ZSCAN32: variants seen among roughly 807,000 people sequenced by gnomAD.
ZSCAN32 encodes the protein zinc finger and SCAN domain containing 32.
In ZSCAN32, 52 loss-of-function variants were observed where a neutral mutation model predicts 47.4. The ratio of observed to expected loss-of-function variants is 1.10; its 90% CI spans 0.88 to 1.38. The LOEUF (loss-of-function observed/expected upper bound fraction) is 1.38. ZSCAN32 is among the 40% of genes most tolerant of loss of function. The pLI is 0.00. For synonymous variants in ZSCAN32, 346 were observed against 305.7 expected (o/e 1.13, Z -1.38); for missense variants, 959 against 846.0 (o/e 1.13, Z -1.66).
chr16:3,400,682 G>C (rs1196098036), intron 1 of ZSCAN32, among the ~76,000 whole-genome samples: 1 of 152,220 alleles, frequency 6.6e-6, no homozygotes, highest in African/African-American at 2.4e-5. Context: ...GGGCGAGACA[G>C]GGACGAGATG....
intron 5 of ZSCAN32, among the ~76,000 whole-genome samples, chr16:3,386,652 G>A (rs959650301): frequency 3.9e-5 from 6 of 152,142 alleles, no homozygotes; most frequent in African/African-American, 1.4e-4. Context: ...GGACATGGAT[G>A]AAGCTGGAAA....
chr16:3,397,882 G>C (rs1176764456), intron 1 of ZSCAN32, 138 bp from the exon 2 acceptor site: 1 of 222,658 alleles, frequency 4.5e-6, no homozygotes, highest in African/African-American at 2.3e-5. Context: ...AATAGATCTA[G>C]ACCATCCTGG....
At chr16:3,398,114 A>C (rs2033548716) in intron 1 of ZSCAN32, among the ~76,000 whole-genome samples, 1 of 152,220 alleles carries the variant, frequency 6.6e-6, no homozygotes, top group African/African-American at 2.4e-5. Context: ...CAACTAGGTT[A>C]GGAGGATGAG....
chr16:3,391,916 G>A lies in ZSCAN32; in HGVS notation c.533-1399C>T, dbSNP rs538528778. Among the ~76,000 whole-genome samples the A allele has an allele frequency of 4.6e-5, 7 of 152,290 alleles. No individual in the cohort carries two copies. The South Asian group carries it at 1.4e-3, about 32-fold the overall frequency. ...ACTGCACTCCAGCCTGGGCAACAGA[G>A]CAAGACCCTGTCTCTTAAAAAAACT... On this transcript the variant is annotated intron_variant, in intron 3 of 6. Coordinates refer to ENST00000396852, the MANE Select transcript of ZSCAN32 (RefSeq NM_001284527.2).
chr16:3,397,836 CT>C, intron 1 of ZSCAN32, 92 bp from the exon 2 acceptor site: 21 of 296,210 alleles, frequency 7.1e-5, no homozygotes, highest in South Asian at 3.5e-4. Context: ...CCTTTACTCC[CT>C]CCACAAATCT....
intron 5 of ZSCAN32, among the ~76,000 whole-genome samples, chr16:3,389,113 C>T (rs554097535): frequency 6.6e-6 from 1 of 152,258 alleles, no homozygotes; most frequent in African/African-American, 2.4e-5. Context: ...CTCAAAAAGA[C>T]ACTATACTCT....
chr16:3,389,071 A>G (rs1245808426), intron 5 of ZSCAN32, among the ~76,000 whole-genome samples: 1 of 152,236 alleles, frequency 6.6e-6, no homozygotes, highest in African/African-American at 2.4e-5. Context: ...TATTATCCAT[A>G]TATACTTAGT....
chr16:3,390,641 A>G (rs904590568), intron 3 of ZSCAN32, 124 bp from the exon 4 acceptor site: 2 of 733,524 alleles, frequency 2.7e-6, no homozygotes, highest in African/African-American at 3.7e-5. Context: ...AGAAATACAA[A>G]TTCTGGGGCC....
At position 3,383,240 on chromosome 16, in the gene ZSCAN32, C is replaced by T; in HGVS notation, c.1706G>A (p.Arg569Gln). Residue 569 changes from arginine (R) to glutamine (Q), a missense_variant, in exon 7 of 7, where the codon CGA (arginine) becomes CAA (glutamine). By Grantham distance (43) the Arg-to-Gln change is conservative. Transcript: ENST00000396852. ...SERSNLTAHL[R>Q]THTGERPYQC... ...ATAGGGCCTCTCCCCTGTGTGAGTT[C>T]GTAGGTGGGCAGTGAGGTTGGAGCG... The T allele has an allele frequency of 3.7e-6, 6 of 1,614,036 alleles. No homozygotes were observed. The highest frequency in any genetic ancestry group is 1.7e-5 in the Admixed American group (1 of 60,006).
rs547762024 is a variant in ZSCAN32 at position 3,397,149 on chromosome 16, A to C, written c.366+43T>G. 1.7e-4 allele frequency: 257 copies of C among 1,472,140 alleles called. No homozygotes were observed. The African/African-American group carries it at 2.6e-3, about 15-fold the overall frequency. 91.2% of individuals were successfully genotyped at this position (1,472,140 alleles called of 1,614,324 possible). ...TCTCCAGTAACTGGATTCCCCGACAACTTCATAACCAAAACCACAAAGTTC... is the reference window on the plus strand; with the variant it reads ...TCTCCAGTAACTGGATTCCCCGACACCTTCATAACCAAAACCACAAAGTTC... On this transcript the variant is annotated intron_variant, in intron 2 of 6. Transcript: ENST00000396852.
chr16:3,393,912 G>A, intron 2 of ZSCAN32, 98 bp from the exon 3 acceptor site: 1 of 1,125,620 alleles, frequency 8.9e-7, no homozygotes, highest in Non-Finnish European at 1.2e-6. Flanking sequence ...ACATAAGGAA[G>A]CAGAAGAGAA....
chr16:3,384,492 G>A lies in ZSCAN32; in HGVS notation c.1201C>T (p.Leu401=), dbSNP rs2031690153. ...FRNPGQEVRK[L]DLPVLFPNRL... is the part of the protein sequence containing the mutation. ...TTTGGGAACAGCACTGGCAGGTCTAGTTTCCTGACTTCCTGGCCAGGATTC... is the reference window on the plus strand; with the variant it reads ...TTTGGGAACAGCACTGGCAGGTCTAATTTCCTGACTTCCTGGCCAGGATTC... The change falls in exon 6 of 7, where the codon CTA becomes TTA. Residue 401 remains leucine (L), a synonymous_variant. Coordinates refer to ENST00000396852, the MANE Select transcript of ZSCAN32 (RefSeq NM_001284527.2). The A allele has an allele frequency of 6.2e-7, 1 of 1,614,178 alleles. No homozygotes were observed. Among genetic ancestry groups the A allele is most frequent in the Non-Finnish European group, 8.5e-7 (1 of 1,180,036 alleles).
chr16:3,397,454 G>T lies in ZSCAN32; in HGVS notation c.104C>A (p.Ala35Asp). 1 of 1,550,898 alleles carries T rather than the reference G, an allele frequency of 6.4e-7. No homozygotes were observed. The highest frequency in any genetic ancestry group is 8.7e-7 in the Non-Finnish European group (1 of 1,147,154). The change falls in exon 2 of 7, where the codon GCC becomes GAC. Residue 35 changes from alanine to aspartate, a missense_variant. Transcript: ENST00000396852. Reference sequence around the variant, plus strand: ...AAACTGCCTGAAGCGCTGACGGGAGGCCTCGGAGTCAGGGCTGTTACCCTG... The same window carrying T: ...AAACTGCCTGAAGCGCTGACGGGAGTCCTCGGAGTCAGGGCTGTTACCCTG... ...ALQGNSPDSE[A>D]SRQRFRQFCY...
intron 3 of ZSCAN32, among the ~76,000 whole-genome samples, chr16:3,392,027 T>C (rs948297396): frequency 1.3e-5 from 2 of 152,158 alleles, no homozygotes; most frequent in Non-Finnish European, 2.9e-5. Flanking sequence ...AAAAGACTTA[T>C]AAAAATATAG....
At position 3,385,017 on chromosome 16, in the gene ZSCAN32, T is replaced by A. The variant is rs2031783804; in HGVS notation, c.752-76A>T. The stretch of plus-strand genomic sequence containing the variant: ...ACTGTACATACTGCAGTGTGCAGTT[T>A]TGGCAGCTTAAAAAGTTACATCCTA... On this transcript the variant is annotated intron_variant, in intron 5 of 6. Transcript: ENST00000396852. 57 of 1,511,186 alleles carry A rather than the reference T, an allele frequency of 3.8e-5. No individual in the cohort carries two copies. The South Asian group carries it at 7.1e-4, about 19-fold the overall frequency. 93.6% of individuals were successfully genotyped at this position (1,511,186 alleles called of 1,614,324 possible).
At chr16:3,399,234 A>T (rs1298789798) in intron 1 of ZSCAN32, among the ~76,000 whole-genome samples, 1 of 152,196 alleles carries the variant, frequency 6.6e-6, no homozygotes, top group Non-Finnish European at 1.5e-5. Flanking sequence ...AAAAAGAAAA[A>T]GTCCCTCTCA....
At chr16:3,388,235 G>A (rs560607313) in intron 5 of ZSCAN32, among the ~76,000 whole-genome samples, 1 of 152,192 alleles carries the variant, frequency 6.6e-6, no homozygotes, top group Non-Finnish European at 1.5e-5. Flanking sequence ...TGTACTCTGT[G>A]CCAGTGAACT....
intron 2 of ZSCAN32, among the ~76,000 whole-genome samples, chr16:3,395,208 C>T (rs933423339): frequency 2.0e-5 from 3 of 152,192 alleles, no homozygotes; most frequent in Non-Finnish European, 4.4e-5. Flanking sequence ...AAGAGAGGTA[C>T]TGAGAGGCAA....
At position 3,383,946 on chromosome 16, in the gene ZSCAN32, TCTGACAC is replaced by T. The variant is rs537130965; in HGVS notation, c.1235-242_1235-236del. ...TTTTCTCCTATCTTTTTTCGGATGT[TCTGACAC>T]AATGACAAACTGAGGCAAGACATTA... On this transcript the variant is annotated intron_variant, in intron 6 of 6. Transcript: ENST00000396852. 9.6e-4 allele frequency: 501 copies of T among 524,254 alleles called. 6 individuals carry two copies. In the East Asian group the frequency reaches 0.017, roughly 18 times the overall value. 32.5% of individuals were successfully genotyped at this position (524,254 alleles called of 1,614,324 possible).
Sources: gnomAD v4.1 joint callset for allele counts (sites outside exome capture counted in the v4.1 genomes callset) on GRCh38, gnomAD v4.1.1 for gene constraint, MANE v1.5 for transcripts, NCBI Gene and HGNC (gene_info 2026-07-23, HGNC 2026-07-21) for gene names.